MARCHF1: variants seen among roughly 807,000 people sequenced by gnomAD.
The protein encoded by MARCHF1 is E3 ubiquitin-protein ligase MARCHF1.
Under a neutral mutation model 54.2 loss-of-function variants are expected in MARCHF1, and 40 were observed. The observed-to-expected ratio is 0.74, with a 90% CI of 0.57 to 0.96. The LOEUF (loss-of-function observed/expected upper bound fraction) is 0.96, where lower values mean the gene tolerates loss of function less well. Among genes scored for constraint, MARCHF1 ranks in the 40% least tolerant of loss-of-function variants. MARCHF1 has a pLI of 0.00. For missense variants in MARCHF1, 586 were observed against 656.5 expected (o/e 0.89, Z 1.17); for synonymous variants, 236 against 236.3 (o/e 1.00, Z 0.01).
At chr4:164,253,498 AAC>A (rs1733183051) in intron 1 of MARCHF1, among the ~76,000 whole-genome samples, 1 of 152,202 alleles carries the variant, frequency 6.6e-6, no homozygotes, top group Non-Finnish European at 1.5e-5. Flanking sequence ...GAACTAAAAT[AAC>A]AGACAGTAGG....
At chr4:163,901,474 C>T (rs1750939704) in intron 3 of MARCHF1, among the ~76,000 whole-genome samples, 1 of 152,148 alleles carries the variant, frequency 6.6e-6, no homozygotes, top group Non-Finnish European at 1.5e-5. Context: ...CCCTGTGGCT[C>T]TCATTAGATT....
At chr4:164,036,966 G>A (rs1754019297) in intron 2 of MARCHF1, among the ~76,000 whole-genome samples, 1 of 152,118 alleles carries the variant, frequency 6.6e-6, no homozygotes, top group African/African-American at 2.4e-5. Context: ...TTGATTGTAA[G>A]TGATTATATT....
At position 164,104,839 on chromosome 4, in the gene MARCHF1, G is replaced by A. The variant is rs1481124837; in HGVS notation, c.-248+6749C>T. Among the ~76,000 whole-genome samples, 10 of 56,166 alleles carry A rather than the reference G, an allele frequency of 1.8e-4. 2 individuals are homozygous for A. The highest frequency in any genetic ancestry group is 5.6e-3 in the Middle Eastern group (1 of 180). 36.8% of individuals were successfully genotyped at this position (56,166 alleles called of 152,430 possible). On this transcript the variant is annotated intron_variant, in intron 2 of 9. Coordinates refer to ENST00000514618, the MANE Select transcript of MARCHF1 (RefSeq NM_001394959.1). ...GGAAGTCAAATTGTCCCTGTTTGCA[G>A]ATGACATGATTGTATATCTAGAAAA...
intron 1 of MARCHF1, among the ~76,000 whole-genome samples, chr4:164,162,052 G>A (rs533526626): frequency 2.0e-5 from 3 of 152,096 alleles, no homozygotes; most frequent in South Asian, 4.1e-4. Context: ...GAAAGACAAC[G>A]AAAACAGCTA....
intron 2 of MARCHF1, among the ~76,000 whole-genome samples, chr4:164,039,240 T>C: frequency 6.6e-6 from 1 of 152,218 alleles, no homozygotes; most frequent in East Asian, 1.9e-4. Flanking sequence ...TTTTTAAAGA[T>C]GTTTCAAAAA....
chr4:164,196,681 T>C (rs1317393751), intron 1 of MARCHF1, among the ~76,000 whole-genome samples: 1 of 152,118 alleles, frequency 6.6e-6, no homozygotes, highest in Non-Finnish European at 1.5e-5. Flanking sequence ...GAATAGAATG[T>C]GTAAAAAAAT....
chr4:163,613,831 C>T (rs372493404), intron 5 of MARCHF1, among the ~76,000 whole-genome samples: 2 of 152,110 alleles, frequency 1.3e-5, no homozygotes, highest in South Asian at 2.1e-4. Context: ...CTGAAGCTAA[C>T]ATCAAGGCCC....
intron 3 of MARCHF1, among the ~76,000 whole-genome samples, chr4:163,893,090 A>G (rs1028558561): frequency 6.6e-6 from 1 of 151,676 alleles, no homozygotes; most frequent in African/African-American, 2.4e-5. Context: ...AAATCTGGAC[A>G]GTAAACAAAC....
intron 3 of MARCHF1, among the ~76,000 whole-genome samples, chr4:163,896,356 T>C (rs1169758394): frequency 6.6e-6 from 1 of 152,158 alleles, no homozygotes; most frequent in Non-Finnish European, 1.5e-5. Flanking sequence ...CTCTATCAGG[T>C]TGTACTCAGT....
At chr4:164,376,830 C>T (rs1731207336) in intron 1 of MARCHF1, among the ~76,000 whole-genome samples, 1 of 152,192 alleles carries the variant, frequency 6.6e-6, no homozygotes, top group Non-Finnish European at 1.5e-5. Context: ...CAAAGGCTGC[C>T]TACAATGATT....
At chr4:164,210,614 T>C (rs577037658) in intron 1 of MARCHF1, among the ~76,000 whole-genome samples, 81 of 152,238 alleles carry the variant, frequency 5.3e-4, no homozygotes, top group African/African-American at 1.8e-3. Flanking sequence ...TTTCATGTTA[T>C]GTTATTATAT....
chr4:163,967,329 G>A (rs571408896), intron 3 of MARCHF1, among the ~76,000 whole-genome samples: 63 of 152,212 alleles, frequency 4.1e-4, no homozygotes, highest in Non-Finnish European at 6.8e-4. Flanking sequence ...GGGAATGAAG[G>A]GAAGGGGAAA....
chr4:163,945,829 G>T (rs1752012217), intron 3 of MARCHF1, among the ~76,000 whole-genome samples: 1 of 152,000 alleles, frequency 6.6e-6, no homozygotes, highest in Admixed American at 6.6e-5. Context: ...ATTTGAAAAG[G>T]GTTCTACTGC....
At chr4:164,098,113 C>T (rs189470411) in intron 2 of MARCHF1, among the ~76,000 whole-genome samples, 2 of 152,256 alleles carry the variant, frequency 1.3e-5, no homozygotes, top group East Asian at 1.9e-4. Context: ...TGGTTCATTT[C>T]AGCTCATGCT....
At chr4:164,196,161 A>G (rs1230315156) in intron 1 of MARCHF1, among the ~76,000 whole-genome samples, 1 of 152,164 alleles carries the variant, frequency 6.6e-6, no homozygotes, top group African/African-American at 2.4e-5. Flanking sequence ...TCAATGTACA[A>G]TGATAGTTAT....
chr4:164,188,524 C>T, intron 1 of MARCHF1: 2 of 709,674 alleles, frequency 2.8e-6, no homozygotes, highest in Admixed American at 1.9e-5. Flanking sequence ...AGACCGGCTG[C>T]GTGGAGATCA....
rs774603753 is a variant in MARCHF1 at position 163,828,054 on chromosome 4, C to CACACACAG, written c.111+25966_111+25967insCTGTGTGT. Among the ~76,000 whole-genome samples, 226 of 148,310 alleles carry CACACACAG rather than the reference C, an allele frequency of 1.5e-3. 4 individuals carry two copies. The highest frequency in any genetic ancestry group is 3.4e-3 in the African/African-American group (138 of 40,300). ...ACACACACACACACACACACACACACAGACACACCTTGTCATTCTCCTCCT... is the reference window on the plus strand; with the variant it reads ...ACACACACACACACACACACACACACACACACAGAGACACACCTTGTCATTCTCCTCCT... On this transcript the variant is annotated intron_variant, in intron 4 of 9. Transcript: ENST00000514618.
intron 1 of MARCHF1, among the ~76,000 whole-genome samples, chr4:164,250,817 AAT>A (rs761615130): frequency 2.0e-5 from 3 of 152,144 alleles, no homozygotes; most frequent in Non-Finnish European, 4.4e-5. Flanking sequence ...GGAAAATGGA[AAT>A]CAAGAAGAGG....
chr4:163,637,460 G>T (rs1015505197), intron 5 of MARCHF1, among the ~76,000 whole-genome samples: 2 of 152,168 alleles, frequency 1.3e-5, no homozygotes, highest in African/African-American at 4.8e-5. Flanking sequence ...CTCAAAAGAA[G>T]ACATTTATGC....
Sources: gnomAD v4.1 joint callset for allele counts (sites outside exome capture counted in the v4.1 genomes callset) on GRCh38, gnomAD v4.1.1 for gene constraint, MANE v1.5 for transcripts, NCBI Gene and HGNC (gene_info 2026-07-23, HGNC 2026-07-21) for gene names.